The following MAPK3 variants were observed in gnomAD, a reference collection of about 807,000 sequenced individuals.
The protein encoded by MAPK3 is MAPK 1.
A neutral mutation model predicts 41.8 loss-of-function variants in MAPK3; 30 were observed. The ratio of observed to expected loss-of-function variants is 0.72; its 90% CI spans 0.54 to 0.97. The LOEUF (loss-of-function observed/expected upper bound fraction) is 0.97, where lower values mean the gene tolerates loss of function less well. MAPK3 is among the 50% of genes least tolerant of loss of function. MAPK3 has a pLI of 0.00. For synonymous variants in MAPK3, 222 were observed against 213.4 expected, an observed-to-expected ratio of 1.04 and a Z score of -0.35; for missense variants, 413 against 509.9, an observed-to-expected ratio of 0.81 and a Z score of 1.83.
Position 30,118,116 on chromosome 16 carries a change from G to A in MAPK3, c.591C>T (p.His197=). 6.2e-7 allele frequency: 1 copy of A among 1,614,170 alleles called. No homozygotes were observed. The highest frequency in any genetic ancestry group is 1.1e-5 in the South Asian group (1 of 91,086). ...LARIADPEHD[H]TGFLTEYVAT... ...CCACATACTCCGTCAGGAAGCCGGTGTGGTCATGCTCAGGATCGGCAATCC... is the reference window on the plus strand; with the variant it reads ...CCACATACTCCGTCAGGAAGCCGGTATGGTCATGCTCAGGATCGGCAATCC... The change falls in exon 4 of 9, where the codon CAC becomes CAT. Residue 197 remains histidine (H), a synonymous_variant. Transcript: ENST00000263025.
rs961040532 is a variant in MAPK3 at position 30,121,858 on chromosome 16, G to A, written c.319C>T (p.Leu107=). The A allele has an allele frequency of 1.9e-6, 3 of 1,614,026 alleles. No homozygotes were observed. Among genetic ancestry groups the A allele is most frequent in the Non-Finnish European group, 2.5e-6 (3 of 1,180,034 alleles). Residue 107 remains leucine, a synonymous_variant, in exon 2 of 9, where the codon CTG becomes TTG. Transcript: ENST00000263025. The part of the protein sequence containing the change: ...HENVIGIRDI[L]RASTLEAMRD... Reference sequence around the variant, plus strand: ...ATGGCTTCCAGGGTGGACGCCCGCAGAATGTCTCGGATGCCGATGACATTC... The same window carrying A: ...ATGGCTTCCAGGGTGGACGCCCGCAAAATGTCTCGGATGCCGATGACATTC...
intron 1 of MAPK3, 100 bp downstream of exon 1, chr16:30,122,940 T>C: frequency 9.1e-7 from 1 of 1,095,200 alleles, no homozygotes. Context: ...CTCGGGACGC[T>C]CCGCGTCTCC....
chr16:30,122,933 G>A (rs878889881), intron 1 of MAPK3, 107 bp downstream of exon 1: 3 of 1,023,942 alleles, frequency 2.9e-6, no homozygotes, highest in Non-Finnish European at 3.9e-6. Context: ...CTGCCTCCTC[G>A]GGACGCTCCG....
Position 30,116,559 on chromosome 16 carries a change from G to GATAGAT in MAPK3, c.*32+71_*32+76dup, listed in dbSNP as rs1014078714. The GATAGAT allele has an allele frequency of 6.6e-5, 96 of 1,445,656 alleles. 1 individual carries two copies. Among genetic ancestry groups the GATAGAT allele is most frequent in the Middle Eastern group, 2.5e-4 (1 of 3,942 alleles). The allele number at this position is 1,445,656 out of a possible 1,614,324, so 89.6% of individuals were successfully genotyped here. On this transcript the variant is annotated intron_variant, in intron 8 of 8. Transcript: ENST00000263025. ...TTGCTGCTGTATGGAGGCATGTACAGATAGATATAGATATAGATATACAGA... is the reference window on the plus strand; with the variant it reads ...TTGCTGCTGTATGGAGGCATGTACAGATAGATATAGATATAGATATAGATATACAGA...
In MAPK3 at chr16:30,118,342, C is replaced by G; in HGVS notation, c.543+7G>C. 2 of 1,609,272 alleles carry G rather than the reference C, an allele frequency of 1.2e-6. No individual in the cohort carries two copies. Among genetic ancestry groups the G allele is most frequent in the Non-Finnish European group, 1.7e-6 (2 of 1,177,190 alleles). ...GGGAGGAGGGGACAGGTGCCCAACC[C>G]TCTGACCTTAAGGTCGCAGGTGGTG... is the stretch of plus-strand genomic sequence containing the variant. On this transcript the variant is annotated splice_region_variant and intron_variant, in intron 3 of 8. Coordinates refer to ENST00000263025, the MANE Select transcript of MAPK3 (RefSeq NM_002746.3).
chr16:30,120,741 T>C (rs2073008178), intron 2 of MAPK3, among the ~76,000 whole-genome samples: 1 of 148,596 alleles, frequency 6.7e-6, no homozygotes, highest in Non-Finnish European at 1.5e-5. Context: ...TAGAGTGCAG[T>C]AGCACAATCA....
At chr16:30,122,280 G>T in intron 1 of MAPK3, 1 of 516,354 alleles carries the variant, frequency 1.9e-6, no homozygotes, top group Non-Finnish European at 3.5e-6. Context: ...CATTCTACTG[G>T]CCCTGAACCC....
At chr16:30,119,669 A>C (rs549642550) in intron 2 of MAPK3, among the ~76,000 whole-genome samples, 99 of 152,286 alleles carry the variant, frequency 6.5e-4, no homozygotes, top group Admixed American at 3.1e-3. Flanking sequence ...GCCTTATGGG[A>C]ATGGTTTGTG....
In MAPK3 at chr16:30,118,167, G is replaced by C; in HGVS notation, c.544-4C>G. On this transcript the variant is annotated splice_region_variant and splice_polypyrimidine_tract_variant and intron_variant, in intron 3 of 8. Transcript: ENST00000263025. ...GGGCCAGGCCGAAATCACAAATCTG[G>C]AATCAGACCTAGCTGCTAAGCTCGG... The C allele has an allele frequency of 1.9e-6, 3 of 1,613,314 alleles. No individual in the cohort carries two copies. The highest frequency in any genetic ancestry group is 2.5e-6 in the Non-Finnish European group (3 of 1,179,510).
Position 30,118,365 on chromosome 16 carries a change from G to A in MAPK3, c.527C>T (p.Thr176Ile). ...CCCTCTGACCTTAAGGTCGCAGGTG[G>A]TGTTGATGAGCAGGTTGGAGGGCTT... Reference protein sequence around the residue: ...DLKPSNLLINTTCDLKICDFG... With the variant: ...DLKPSNLLINITCDLKICDFG... The change falls in exon 3 of 9, where the codon ACC (threonine) becomes ATC (isoleucine). Residue 176 changes from threonine (T) to isoleucine (I), a missense_variant. Thr to Ile is a moderately conservative substitution (Grantham distance 89). This residue lies in a region of MAPK3 where 140 missense variants were observed against 206.0 expected (regional missense o/e 0.68). Coordinates refer to ENST00000263025, the MANE Select transcript of MAPK3 (RefSeq NM_002746.3). 1 of 1,612,542 alleles carries A rather than the reference G, an allele frequency of 6.2e-7. No individual in the cohort carries two copies. Among genetic ancestry groups the A allele is most frequent in the Non-Finnish European group, 8.5e-7 (1 of 1,178,936 alleles).
At chr16:30,117,911 G>A in intron 4 of MAPK3, 127 bp from the exon 5 acceptor site, 1 of 1,089,870 alleles carries the variant, frequency 9.2e-7, no homozygotes, top group Non-Finnish European at 1.4e-6. Context: ...AGGGCTCAAT[G>A]CTCAGCTTCC....
chr16:30,117,771 G>C lies in MAPK3; in HGVS notation c.674C>G (p.Ser225Cys), dbSNP rs1425849315. The part of the protein sequence containing the change: ...IMLNSKGYTK[S>C]IDIWSVGCIL... ...GCAGCCCACAGACCAGATGTCGATG[G>C]ACTTGGTATAGCCCTGGGGGAGAGG... The change falls in exon 5 of 9, where the codon TCC (serine) becomes TGC (cysteine). Residue 225 changes from serine (S) to cysteine (C), a missense_variant. By Grantham distance (112) the Ser-to-Cys change is moderately radical (BLOSUM62 -1). Transcript: ENST00000263025. 2 of 1,613,492 alleles carry C rather than the reference G, an allele frequency of 1.2e-6. No individual in the cohort carries two copies. Among genetic ancestry groups the C allele is most frequent in the East Asian group, 2.2e-5 (1 of 44,878 alleles).
intron 1 of MAPK3, chr16:30,122,764 C>A: frequency 2.9e-6 from 1 of 343,538 alleles, no homozygotes; most frequent in Non-Finnish European, 5.3e-6. Flanking sequence ...CTAGGGTCCC[C>A]GCGGGCCCCC....
At chr16:30,118,916 A>G (rs1346017194) in intron 2 of MAPK3, among the ~76,000 whole-genome samples, 1 of 152,008 alleles carries the variant, frequency 6.6e-6, no homozygotes, top group East Asian at 1.9e-4. Flanking sequence ...AGGCGGGAGG[A>G]CTGCTTGAGG....
chr16:30,121,878 AC>A lies in MAPK3; in HGVS notation c.298del (p.Val100SerfsTer16). On this transcript the variant is annotated frameshift_variant, in exon 2 of 9. Transcript: ENST00000263025. LOFTEE classifies it high-confidence loss of function. Reference protein sequence around the residue: ...QILLRFRHENVIGIRDILRAS... With the variant: ...QILLRFRHENXIGIRDILRAS... ...CCGCAGAATGTCTCGGATGCCGATGACATTCTCATGGCGGAAGCGCAGCAGG... is the reference window on the plus strand; with the variant it reads ...CCGCAGAATGTCTCGGATGCCGATGAATTCTCATGGCGGAAGCGCAGCAGG... 2 of 1,614,116 alleles carry A rather than the reference AC, an allele frequency of 1.2e-6. No homozygotes were observed. Among genetic ancestry groups the A allele is most frequent in the East Asian group, 2.2e-5 (1 of 44,884 alleles).
At position 30,123,205 on chromosome 16, in the gene MAPK3, G is replaced by A. The variant is rs1186880470; in HGVS notation, c.5C>T (p.Ala2Val). 5.2e-6 allele frequency: 4 copies of A among 762,688 alleles called. No homozygotes were observed. The highest frequency in any genetic ancestry group is 3.6e-6 in the Non-Finnish European group (2 of 562,568). 47.2% of individuals were successfully genotyped at this position (762,688 alleles called of 1,614,324 possible). Residue 2 changes from alanine to valine, a missense_variant, in exon 1 of 9, where the codon GCG becomes GTG. By Grantham distance (64) the Ala-to-Val change is moderately conservative. Coordinates refer to ENST00000263025, the MANE Select transcript of MAPK3 (RefSeq NM_002746.3). The part of the protein sequence containing the change: M[A>V]AAAAQGGGGG... ...CCCGCCCCCCTGAGCCGCCGCCGCC[G>A]CCATCTCCACTCCTCCCCTCCCACC...
In MAPK3 at chr16:30,116,958, C is replaced by T. The variant is rs752551671; in HGVS notation, c.953G>A (p.Arg318Gln). The T allele has an allele frequency of 9.9e-6, 16 of 1,612,808 alleles. No individual in the cohort carries two copies. Among genetic ancestry groups the T allele is most frequent in the East Asian group, 2.2e-5 (1 of 44,870 alleles). ...AGCCAGCGCTTCCTCCACTGTGATC[C>T]GTTTATTGGGGTTAAAGGTTAACAT... ...DRMLTFNPNK[R>Q]ITVEEALAHP... Residue 318 changes from arginine to glutamine, a missense_variant, in exon 7 of 9, where the codon CGG (arginine) becomes CAG (glutamine). This residue lies in a region of MAPK3 where 123 missense variants were observed against 147.8 expected (regional missense o/e 0.83). Coordinates refer to ENST00000263025, the MANE Select transcript of MAPK3 (RefSeq NM_002746.3).
intron 2 of MAPK3, among the ~76,000 whole-genome samples, chr16:30,119,157 A>T (rs1331765215): frequency 2.5e-4 from 14 of 56,172 alleles, no homozygotes; most frequent in East Asian, 1.7e-3. Flanking sequence ...TAAATAAATT[A>T]AAAAAAAAAA....
intron 1 of MAPK3, 158 bp downstream of exon 1, chr16:30,122,882 G>A (rs1272385547): frequency 1.7e-6 from 1 of 603,088 alleles, no homozygotes; most frequent in Non-Finnish European, 2.5e-6. Flanking sequence ...AAAGCACTCA[G>A]GGGCCCCCTC....
Sources: gnomAD v4.1 joint callset for allele counts (sites outside exome capture counted in the v4.1 genomes callset) on GRCh38, gnomAD v4.1.1 for gene constraint, gnomAD v4.1.1 regional missense constraint, MANE v1.5 for transcripts, NCBI Gene and HGNC (gene_info 2026-07-23, HGNC 2026-07-21) for gene names.